Variants in WNK3 observed in about 807,000 individuals in gnomAD.
WNK3 encodes the protein serine/threonine-protein kinase WNK3.
In WNK3, 18 loss-of-function variants were observed where a neutral mutation model predicts 116.7. The observed-to-expected ratio is 0.15, with a 90% CI of 0.11 to 0.23. WNK3 has a LOEUF of 0.23. Among genes scored for constraint, WNK3 ranks in the 10% least tolerant of loss-of-function variants. The pLI, the probability that WNK3 is intolerant of heterozygous loss-of-function variation, is 1.00. For missense variants in WNK3, 993 were observed against 1,323.8 expected (o/e 0.75, Z 3.88); for synonymous variants, 404 against 469.4 (o/e 0.86, Z 1.80).
At chrX:54,198,289 A>G (rs1557140633) in exon 24 of WNK3, 1 of 1,086,510 alleles carries the variant, frequency 9.2e-7, no homozygotes. Context: ...AATAATTCTG[A>G]AAAAACCTCC....
chrX:54,292,911 C>T (rs782700460), exon 10 of WNK3: 1 of 1,210,452 alleles, frequency 8.3e-7, no homozygotes, highest in Non-Finnish European at 1.1e-6. Context: ...ACCTTCTGAA[C>T]AGTTAATGGG....
Position 54,238,851 on chromosome X carries a change from G to A in WNK3, c.3883+17C>T, listed in dbSNP as rs2067991364. The A allele has an allele frequency of 9.0e-7, 1 of 1,106,185 alleles. No individual in the cohort carries two copies. The highest frequency in any genetic ancestry group is 1.8e-5 in the African/African-American group (1 of 54,373). 91.2% of individuals were successfully genotyped at this position (1,106,185 alleles called of 1,213,427 possible). On this transcript the variant is annotated intron_variant, in intron 18 of 23. Coordinates refer to ENST00000354646, the Ensembl canonical transcript of WNK3. ...GTGATGTTACCTAGTCTATGTCCCT[G>A]ACTGTAAGCACACTACCTTGACGGA...
intron 13 of WNK3, among the ~76,000 whole-genome samples, chrX:54,252,761 C>T (rs2068149195): frequency 9.2e-6 from 1 of 109,069 alleles, no homozygotes; most frequent in African/African-American, 3.3e-5. Context: ...GAAAATATTA[C>T]GTTAAACAAG....
chrX:54,214,155 G>A (rs937884891), intron 22 of WNK3, among the ~76,000 whole-genome samples: 1 of 110,400 alleles, frequency 9.1e-6, no homozygotes, highest in Non-Finnish European at 1.9e-5. Context: ...GCTAATTTTT[G>A]TATTTTTAGT....
chrX:54,258,657 T>C (rs1358524733), intron 11 of WNK3, among the ~76,000 whole-genome samples: 1 of 110,122 alleles, frequency 9.1e-6, no homozygotes, highest in Non-Finnish European at 1.9e-5. Flanking sequence ...TTAGAGCAGC[T>C]ATCATCAAAA....
At chrX:54,252,298 A>T (rs1297523059) in intron 13 of WNK3, among the ~76,000 whole-genome samples, 1 of 111,172 alleles carries the variant, frequency 9.0e-6, no homozygotes, top group African/African-American at 3.3e-5. Context: ...TTTGAAGAAC[A>T]TAACTGAGGC....
intron 19 of WNK3, 115 bp downstream of exon 19, chrX:54,238,227 C>T: frequency 1.1e-6 from 1 of 907,910 alleles, no homozygotes; most frequent in Non-Finnish European, 1.5e-6. Context: ...AGTGAAACTC[C>T]ATCTCAAAAA....
chrX:54,224,600 C>T (rs7878281), intron 22 of WNK3, among the ~76,000 whole-genome samples: 3,414 of 106,661 alleles, frequency 0.032, 141 homozygotes, highest in African/African-American at 0.11. Flanking sequence ...GATGGAGTCT[C>T]GCTCTGTCGC....
rs781856130 is a variant in WNK3 at position 54,255,259 on chromosome X, C to T, written c.2250+481G>A. On this transcript the variant is annotated intron_variant, in intron 12 of 23. Transcript: ENST00000354646. ...CCTTCCAAAGTGTTGGGATTACAGG[C>T]GTGAGCCACTGCGCCCGGCTCACTC... is the stretch of plus-strand genomic sequence containing the variant. 3.6e-5 allele frequency among the ~76,000 whole-genome samples: 4 copies of T among 111,727 alleles called. No homozygotes were observed. The South Asian group carries it at 1.5e-3, about 42-fold the overall frequency.
At chrX:54,290,965 A>T (rs1415817619) in intron 10 of WNK3, among the ~76,000 whole-genome samples, 2 of 111,887 alleles carry the variant, frequency 1.8e-5, no homozygotes, top group Non-Finnish European at 3.8e-5. Flanking sequence ...AAACAAAGTT[A>T]TACATGTGTA....
At position 54,249,190 on chromosome X, in the gene WNK3, G is replaced by A. The variant is rs782791620; in HGVS notation, c.3158C>T (p.Ala1053Val). The A allele has an allele frequency of 4.1e-6, 5 of 1,211,610 alleles. No individual in the cohort carries two copies. In the Admixed American group the frequency reaches 6.5e-5, roughly 16 times the overall value. The change falls in exon 17 of 24, where the codon GCA becomes GTA. Residue 1053 changes from alanine to valine, a missense_variant. Transcript: ENST00000354646. ...TTCTCCTTCTTGAGAAATAAACTCT[G>A]CATCCATAGCTGGCTGCTGTACTGA...
intron 1 of WNK3, among the ~76,000 whole-genome samples, chrX:54,357,121 G>C (rs782519389): frequency 9.1e-6 from 1 of 110,332 alleles, no homozygotes; most frequent in South Asian, 3.9e-4. Context: ...CACATCAGCT[G>C]AACCTCTGAA....
intron 21 of WNK3, among the ~76,000 whole-genome samples, chrX:54,231,420 T>TA (rs1557148885): frequency 8.9e-6 from 1 of 112,027 alleles, no homozygotes; most frequent in Non-Finnish European, 1.9e-5. Flanking sequence ...CTCACTGGCC[T>TA]AAAATCAAGG....
At chrX:54,205,742 A>G (rs1042219485) in intron 22 of WNK3, among the ~76,000 whole-genome samples, 12 of 112,479 alleles carry the variant, frequency 1.1e-4, no homozygotes, top group Admixed American at 3.8e-4. Context: ...ATTTCATTTA[A>G]AAGTTATTCA....
chrX:54,296,756 G>A (rs1428828360), intron 7 of WNK3, among the ~76,000 whole-genome samples: 3 of 111,045 alleles, frequency 2.7e-5, no homozygotes, highest in Non-Finnish European at 3.8e-5. Flanking sequence ...GTTTGTACTC[G>A]GCTGGTTTTG....
intron 2 of WNK3, among the ~76,000 whole-genome samples, chrX:54,314,227 A>G (rs1279045935): frequency 1.9e-5 from 2 of 107,168 alleles, no homozygotes; most frequent in African/African-American, 3.4e-5. Flanking sequence ...AACAAAACAC[A>G]TTGCCACTCT....
intron 2 of WNK3, among the ~76,000 whole-genome samples, chrX:54,314,141 C>G (rs1213464146): frequency 5.1e-5 from 5 of 97,687 alleles, no homozygotes; most frequent in African/African-American, 1.9e-4. Context: ...TGCAGTGAGC[C>G]AAGAGCATGC....
chrX:54,291,262 G>A (rs968180353), intron 10 of WNK3, among the ~76,000 whole-genome samples: 6 of 110,684 alleles, frequency 5.4e-5, no homozygotes, highest in African/African-American at 1.6e-4. Flanking sequence ...GCAGTGAGCC[G>A]AGATCGCGCC....
chrX:54,324,591 C>T (rs1399812966), intron 2 of WNK3, among the ~76,000 whole-genome samples: 1 of 112,304 alleles, frequency 8.9e-6, no homozygotes, highest in Admixed American at 9.5e-5. Context: ...TTTAAGCAAG[C>T]TCTATCCCTC....
Sources: gnomAD v4.1 joint callset for allele counts (sites outside exome capture counted in the v4.1 genomes callset) on GRCh38, gnomAD v4.1.1 for gene constraint, MANE v1.5 for transcripts, NCBI Gene and HGNC (gene_info 2026-07-23, HGNC 2026-07-21) for gene names.